Variants in TRERF1 observed in about 807,000 individuals in gnomAD.
TRERF1 encodes the protein transcriptional regulating factor 1.
Under a neutral mutation model 122.9 loss-of-function variants are expected in TRERF1, and 27 were observed. The ratio of observed to expected loss-of-function variants is 0.22; its 90% confidence interval spans 0.16 to 0.30. TRERF1 has a LOEUF of 0.30. Ranked by LOEUF, TRERF1 falls within the 10% of genes least tolerant of loss-of-function variation. TRERF1 has a pLI of 1.00. For synonymous variants in TRERF1, 636 were observed against 641.7 expected, an observed-to-expected ratio of 0.99 and a Z score of 0.13; for missense variants, 1,248 against 1,560.3, an observed-to-expected ratio of 0.80 and a Z score of 3.37.
intron 4 of TRERF1, among the ~76,000 whole-genome samples, chr6:42,294,178 T>C (rs1374634200): frequency 1.7e-5 from 2 of 117,502 alleles, no homozygotes; most frequent in African/African-American, 7.0e-5. Flanking sequence ...AGCTATAATG[T>C]AATTTTTTTT....
At position 42,350,704 on chromosome 6, in the gene TRERF1, G is replaced by A. The variant is rs577104170; in HGVS notation, c.-371+12293C>T. Among the ~76,000 whole-genome samples the A allele has an allele frequency of 3.9e-3, 597 of 152,176 alleles. 5 individuals carry two copies. The highest frequency in any genetic ancestry group is 0.014 in the African/African-American group (570 of 41,514). The stretch of plus-strand genomic sequence containing the variant: ...GGTCAGGAAAAAGAGTCTGGTTTGC[G>A]TTTTAAAATGTTATTAATCTCAGGA... On this transcript the variant is annotated intron_variant, in intron 3 of 17. Transcript: ENST00000372922.
At chr6:42,279,139 G>A (rs1325878038) in intron 4 of TRERF1, among the ~76,000 whole-genome samples, 1 of 152,150 alleles carries the variant, frequency 6.6e-6, no homozygotes, top group Admixed American at 6.5e-5. Flanking sequence ...CACAATATAG[G>A]GCTTGGGCCT....
intron 3 of TRERF1, among the ~76,000 whole-genome samples, chr6:42,305,045 C>G (rs1230376338): frequency 6.6e-6 from 1 of 152,160 alleles, no homozygotes; most frequent in Non-Finnish European, 1.5e-5. Flanking sequence ...AGACCAGGCA[C>G]GTTGCTAGGA....
intron 2 of TRERF1, among the ~76,000 whole-genome samples, chr6:42,438,529 G>C (rs1785881822): frequency 6.6e-6 from 1 of 151,240 alleles, no homozygotes; most frequent in East Asian, 2.0e-4. Context: ...AGAATTGCTT[G>C]AATCTGGGAG....
At chr6:42,289,342 ACAAACAAAAAAAAAAC>A in intron 4 of TRERF1, among the ~76,000 whole-genome samples, 1 of 135,622 alleles carries the variant, frequency 7.4e-6, no homozygotes, top group Non-Finnish European at 1.6e-5. Context: ...AAAAAAACAA[ACAAACAAAAAAAAAAC>A]AAAAAAAAAC....
intron 2 of TRERF1, among the ~76,000 whole-genome samples, chr6:42,401,358 C>A (rs1779364396): frequency 6.6e-6 from 1 of 152,206 alleles, no homozygotes; most frequent in Non-Finnish European, 1.5e-5. Flanking sequence ...CACTTCTCAT[C>A]ATTACAATTA....
At chr6:42,389,101 G>T (rs1777284831) in intron 2 of TRERF1, among the ~76,000 whole-genome samples, 1 of 152,078 alleles carries the variant, frequency 6.6e-6, no homozygotes, top group South Asian at 2.1e-4. Flanking sequence ...GAGAGAGGGG[G>T]TACTTAAAAA....
intron 2 of TRERF1, among the ~76,000 whole-genome samples, chr6:42,394,060 T>C (rs1778179565): frequency 6.6e-6 from 1 of 152,138 alleles, no homozygotes; most frequent in South Asian, 2.1e-4. Context: ...TTTATGACCA[T>C]AAAACAGTAA....
intron 12 of TRERF1, 128 bp from the exon 13 acceptor site, chr6:42,255,054 C>A: frequency 1.2e-6 from 1 of 823,782 alleles, no homozygotes. Context: ...TGGAAGGAAA[C>A]CCAGAGGGAG....
chr6:42,257,838 C>G (rs113304393), intron 10 of TRERF1, among the ~76,000 whole-genome samples: 4 of 152,214 alleles, frequency 2.6e-5, no homozygotes, highest in African/African-American at 9.7e-5. Context: ...ATGAGCCACC[C>G]GGAGGGAGAT....
chr6:42,424,981 CAT>C (rs1244093750), intron 2 of TRERF1, among the ~76,000 whole-genome samples: 1 of 152,216 alleles, frequency 6.6e-6, no homozygotes, highest in Non-Finnish European at 1.5e-5. Context: ...TAACCCAGCA[CAT>C]GAGACTACTC....
intron 2 of TRERF1, among the ~76,000 whole-genome samples, chr6:42,432,187 T>C (rs1205069143): frequency 6.6e-6 from 1 of 152,210 alleles, no homozygotes; most frequent in East Asian, 1.9e-4. Flanking sequence ...TTATACAGCA[T>C]GTAAAAGAAT....
At chr6:42,260,176 G>C (rs2149791113) in intron 8 of TRERF1, among the ~76,000 whole-genome samples, 1 of 152,120 alleles carries the variant, frequency 6.6e-6, no homozygotes, top group Non-Finnish European at 1.5e-5. Flanking sequence ...TGTGAGGCAG[G>C]AAGTGGGGGT....
Position 42,265,754 on chromosome 6 carries a change from G to T in TRERF1, c.1481C>A (p.Ser494Ter). The change falls in exon 6 of 18, where the codon TCA (serine) becomes TAA (stop). Residue 494 changes from serine to a stop codon, truncating the protein, a stop_gained. Transcript: ENST00000372922. LOFTEE classifies it high-confidence loss of function. ...AACAAGGTTCCACTCATCCTACCTT[G>T]ACTCAGGGGACCCTGGCTGGGCTCT... is the stretch of plus-strand genomic sequence containing the variant. The T allele has an allele frequency of 6.2e-7, 1 of 1,613,020 alleles. No homozygotes were observed. Among genetic ancestry groups the T allele is most frequent in the South Asian group, 1.1e-5 (1 of 90,734 alleles).
intron 3 of TRERF1, among the ~76,000 whole-genome samples, chr6:42,349,249 CT>C (rs757373141): frequency 6.6e-6 from 1 of 151,952 alleles, no homozygotes; most frequent in Non-Finnish European, 1.5e-5. Flanking sequence ...AATTCCAGAC[CT>C]TTGGGTGGCC....
chr6:42,291,622 C>T (rs945491616), intron 4 of TRERF1, among the ~76,000 whole-genome samples: 6 of 152,010 alleles, frequency 3.9e-5, no homozygotes, highest in Admixed American at 3.3e-4. Context: ...CAAGCTCTGC[C>T]TCCTGGGTTC....
At chr6:42,337,294 T>C (rs1474393954) in intron 3 of TRERF1, among the ~76,000 whole-genome samples, 1 of 152,220 alleles carries the variant, frequency 6.6e-6, no homozygotes, top group African/African-American at 2.4e-5. Flanking sequence ...ACCCTTCATC[T>C]TCTTCAACAG....
intron 3 of TRERF1, among the ~76,000 whole-genome samples, chr6:42,358,875 G>A (rs574962644): frequency 6.6e-6 from 1 of 151,228 alleles, no homozygotes; most frequent in African/African-American, 2.4e-5. Context: ...CTGAGCCAAG[G>A]AATTTGGAGT....
At chr6:42,420,764 G>A (rs1215688724) in intron 2 of TRERF1, among the ~76,000 whole-genome samples, 1 of 152,192 alleles carries the variant, frequency 6.6e-6, no homozygotes, top group Non-Finnish European at 1.5e-5. Flanking sequence ...ACTTTAGAGT[G>A]ATGGTACAGG....
Sources: gnomAD v4.1 joint callset for allele counts (sites outside exome capture counted in the v4.1 genomes callset) on GRCh38, gnomAD v4.1.1 for gene constraint, MANE v1.5 for transcripts, NCBI Gene and HGNC (gene_info 2026-07-23, HGNC 2026-07-21) for gene names.